Variants in PARD6G observed in about 807,000 individuals in gnomAD.
PARD6G encodes partitioning defective 6 homolog gamma.
A neutral mutation model predicts 10.7 loss-of-function variants in PARD6G; 7 were observed. The ratio of observed to expected loss-of-function variants is 0.66; its 90% confidence interval spans 0.37 to 1.23. The LOEUF (loss-of-function observed/expected upper bound fraction) is 1.23, where lower values mean the gene tolerates loss of function less well. Ranked by LOEUF, PARD6G falls within the 50% of genes most tolerant of loss-of-function variation. The probability of loss-of-function intolerance (pLI) is 0.02; values close to 1 mark genes in which losing one functional copy is unlikely to be tolerated. For missense variants in PARD6G, 548 were observed against 571.8 expected, an observed-to-expected ratio of 0.96 and a Z score of 0.42; for synonymous variants, 287 against 269.4, an observed-to-expected ratio of 1.07 and a Z score of -0.64.
intron 1 of PARD6G, among the ~76,000 whole-genome samples, chr18:80,235,798 C>G (rs1316322933): frequency 3.9e-5 from 6 of 152,094 alleles, no homozygotes; most frequent in African/African-American, 1.4e-4. Flanking sequence ...AAGACTAAAC[C>G]AGGAAGAAGT....
At chr18:80,198,757 G>A (rs1385863155) in intron 2 of PARD6G, among the ~76,000 whole-genome samples, 1 of 152,174 alleles carries the variant, frequency 6.6e-6, no homozygotes, top group East Asian at 1.9e-4. Context: ...ATGGAGAATG[G>A]CTGAATTTTG....
At chr18:80,185,347 C>G (rs1308138174) in intron 2 of PARD6G, among the ~76,000 whole-genome samples, 2 of 152,022 alleles carry the variant, frequency 1.3e-5, no homozygotes. Context: ...GCTCTGTTGC[C>G]CAGGCTAGCT....
chr18:80,214,301 C>T (rs925967252), intron 1 of PARD6G, among the ~76,000 whole-genome samples: 2 of 151,772 alleles, frequency 1.3e-5, no homozygotes, highest in African/African-American at 4.8e-5. Flanking sequence ...CTACTAAAAA[C>T]ATAAAGACCA....
intron 2 of PARD6G, among the ~76,000 whole-genome samples, chr18:80,177,901 C>T (rs1020020083): frequency 6.6e-6 from 1 of 150,520 alleles, no homozygotes; most frequent in Non-Finnish European, 1.5e-5. Context: ...TGAAATAAAT[C>T]GCAGTCCAAA....
At chr18:80,244,530 A>G (rs1373327666) in intron 1 of PARD6G, among the ~76,000 whole-genome samples, 3 of 152,170 alleles carry the variant, frequency 2.0e-5, no homozygotes, top group Non-Finnish European at 4.4e-5. Flanking sequence ...TTTCCAACCC[A>G]ATATCTTAAA....
Position 80,158,991 on chromosome 18 carries a change from AT to A in PARD6G, c.*779del, listed in dbSNP as rs145797175. The A allele has an allele frequency of 0.61, 89,931 of 146,946 alleles. 28,654 individuals are homozygous for A. The highest frequency in any genetic ancestry group is 0.72 in the South Asian group (3,298 of 4,588). The allele number at this position is 146,946 out of a possible 1,614,324, so 9.1% of individuals were successfully genotyped here. On this transcript the variant is annotated 3_prime_UTR_variant, in exon 3 of 3. Coordinates refer to ENST00000353265, the MANE Select transcript of PARD6G (RefSeq NM_032510.4). Reference sequence around the variant, plus strand: ...GTTGTACATGGACAGGTTTGGGTGTATTTTTTTTTTTTCCCGAGACAGAGTC... The same window carrying A: ...GTTGTACATGGACAGGTTTGGGTGTATTTTTTTTTTTCCCGAGACAGAGTC...
intron 1 of PARD6G, among the ~76,000 whole-genome samples, chr18:80,224,255 C>A (rs1337881908): frequency 6.6e-6 from 1 of 152,168 alleles, no homozygotes; most frequent in Admixed American, 6.5e-5. Flanking sequence ...AAAGATATTA[C>A]AAACATAAAA....
chr18:80,177,080 G>A (rs974556099), intron 2 of PARD6G, among the ~76,000 whole-genome samples: 13 of 133,430 alleles, frequency 9.7e-5, no homozygotes, highest in South Asian at 7.3e-4. Flanking sequence ...AATGGAAAGC[G>A]CGCACACACA....
At chr18:80,237,203 T>C (rs542693275) in intron 1 of PARD6G, among the ~76,000 whole-genome samples, 1 of 152,232 alleles carries the variant, frequency 6.6e-6, no homozygotes, top group Admixed American at 6.5e-5. Flanking sequence ...GCCACATATC[T>C]ACAACTATCT....
At chr18:80,220,755 T>C (rs1270170807) in intron 1 of PARD6G, among the ~76,000 whole-genome samples, 1 of 151,996 alleles carries the variant, frequency 6.6e-6, no homozygotes, top group Non-Finnish European at 1.5e-5. Context: ...GCATTACAGG[T>C]GCACACAACC....
intron 1 of PARD6G, among the ~76,000 whole-genome samples, chr18:80,242,329 G>C (rs1023563042): frequency 6.6e-6 from 1 of 152,214 alleles, no homozygotes; most frequent in African/African-American, 2.4e-5. Context: ...ATTCTTAACT[G>C]GCCCACAGGA....
chr18:80,162,895 T>C (rs558681916), intron 2 of PARD6G, among the ~76,000 whole-genome samples: 20 of 152,218 alleles, frequency 1.3e-4, no homozygotes, highest in Admixed American at 1.2e-3. Flanking sequence ...TGCCGCAGGT[T>C]TGGACTAACC....
chr18:80,226,627 T>A (rs545798984), intron 1 of PARD6G, among the ~76,000 whole-genome samples: 30 of 152,208 alleles, frequency 2.0e-4, no homozygotes, highest in Non-Finnish European at 3.5e-4. Context: ...TTTTGCTGGA[T>A]GTTCCTAGTT....
intron 2 of PARD6G, among the ~76,000 whole-genome samples, chr18:80,195,548 C>CACATATATATATATATATAT (rs1966944217): frequency 4.9e-5 from 4 of 82,216 alleles, no homozygotes; most frequent in Non-Finnish European, 9.7e-5. Context: ...TTCAAAGATA[C>CACATATATATATATATATAT]ATATATATAT....
At chr18:80,214,924 A>G (rs1967148251) in intron 1 of PARD6G, among the ~76,000 whole-genome samples, 1 of 152,160 alleles carries the variant, frequency 6.6e-6, no homozygotes, top group African/African-American at 2.4e-5. Context: ...TCACATGCAA[A>G]CTGCCAAAAA....
intron 1 of PARD6G, among the ~76,000 whole-genome samples, chr18:80,211,254 G>A (rs1967104960): frequency 6.6e-6 from 1 of 152,180 alleles, no homozygotes; most frequent in African/African-American, 2.4e-5. Context: ...GAGGATATGT[G>A]ATACTTGAAG....
At chr18:80,199,153 T>C (rs912079532) in intron 2 of PARD6G, among the ~76,000 whole-genome samples, 1 of 152,254 alleles carries the variant, frequency 6.6e-6, no homozygotes. Context: ...TTACTGAGCA[T>C]AGAACCATTG....
chr18:80,198,148 C>T (rs905469029), intron 2 of PARD6G, among the ~76,000 whole-genome samples: 1 of 152,190 alleles, frequency 6.6e-6, no homozygotes, highest in Non-Finnish European at 1.5e-5. Context: ...AGAGAACGTC[C>T]GGATCATCCC....
Position 80,231,819 on chromosome 18 carries a change from G to T in PARD6G, c.72+15458C>A, listed in dbSNP as rs1195533138. Among the ~76,000 whole-genome samples, 1 of 152,088 alleles carries T rather than the reference G, an allele frequency of 6.6e-6. No homozygotes were observed. The highest frequency in any genetic ancestry group is 2.4e-5 in the African/African-American group (1 of 41,420). ...TTCGGCATCTCACAGGCATCCACAG[G>T]GATGGCTGCCGAGCCCTTCTCAAAA... On this transcript the variant is annotated intron_variant, in intron 1 of 2. Coordinates refer to ENST00000353265, the MANE Select transcript of PARD6G (RefSeq NM_032510.4). This position sits in a 1 kb window ranked among gnomAD's most constrained non-coding sequence, Gnocchi z 4.2.
Sources: gnomAD v4.1 joint callset for allele counts (sites outside exome capture counted in the v4.1 genomes callset) on GRCh38, gnomAD v4.1.1 for gene constraint, Gnocchi (gnomAD v3.1) non-coding constraint, MANE v1.5 for transcripts, NCBI Gene and HGNC (gene_info 2026-07-23, HGNC 2026-07-21) for gene names.